The following ARHGAP15 variants were observed in gnomAD, a reference collection of about 807,000 sequenced individuals.
ARHGAP15 encodes the protein rho GTPase-activating protein 15.
Under a neutral mutation model 63.7 loss-of-function variants are expected in ARHGAP15, and 51 were observed. The observed-to-expected ratio is 0.80, with a 90% CI of 0.64 to 1.01. ARHGAP15 has a LOEUF of 1.01. Ranked by LOEUF, ARHGAP15 falls within the 50% of genes least tolerant of loss-of-function variation. The probability of loss-of-function intolerance (pLI) is 0.00; values close to 1 mark genes in which losing one functional copy is unlikely to be tolerated. For missense variants in ARHGAP15, 560 were observed against 564.6 expected (o/e 0.99, Z 0.08); for synonymous variants, 191 against 193.8 (o/e 0.99, Z 0.12).
intron 9 of ARHGAP15, among the ~76,000 whole-genome samples, chr2:143,500,894 T>G (rs1693025649): frequency 6.6e-6 from 1 of 152,212 alleles, no homozygotes; most frequent in South Asian, 2.1e-4. Flanking sequence ...TGTAATGATT[T>G]TTTAAAATCT....
chr2:143,368,066 A>G lies in ARHGAP15; in HGVS notation c.475-67535A>G, dbSNP rs564199694. 1.6e-4 allele frequency among the ~76,000 whole-genome samples: 25 copies of G among 152,224 alleles called. 1 individual carries two copies. The South Asian group carries it at 4.3e-3, about 26-fold the overall frequency. ...AAGAAAGTGGTGCATATATGCTAAC[A>G]TCATTAATCTTCATACTTTTCTATG... On this transcript the variant is annotated intron_variant, in intron 6 of 13. Transcript: ENST00000295095.
intron 8 of ARHGAP15, among the ~76,000 whole-genome samples, chr2:143,483,849 A>G (rs975610582): frequency 6.6e-5 from 10 of 152,228 alleles, no homozygotes; most frequent in African/African-American, 2.4e-4. Context: ...TATTTCTCCA[A>G]AATGACCTGA....
chr2:143,255,128 C>T (rs1287449389), intron 6 of ARHGAP15, among the ~76,000 whole-genome samples: 1 of 152,020 alleles, frequency 6.6e-6, no homozygotes, highest in Non-Finnish European at 1.5e-5. Flanking sequence ...ACATTGGGCT[C>T]TTCTATAGAT....
intron 11 of ARHGAP15, among the ~76,000 whole-genome samples, chr2:143,596,771 T>C (rs1697533444): frequency 6.6e-6 from 1 of 152,132 alleles, no homozygotes; most frequent in Admixed American, 6.6e-5. Context: ...TAATGATTCA[T>C]ACATACTTGA....
At chr2:143,556,042 G>A (rs780468031) in intron 10 of ARHGAP15, among the ~76,000 whole-genome samples, 7 of 152,044 alleles carry the variant, frequency 4.6e-5, no homozygotes, top group Non-Finnish European at 8.8e-5. Flanking sequence ...TCTTACAAAT[G>A]TCTCGAGTTA....
chr2:143,134,149 AT>A (rs1573989897), intron 1 of ARHGAP15, among the ~76,000 whole-genome samples: 10 of 27,734 alleles, frequency 3.6e-4, no homozygotes, highest in South Asian at 1.3e-3. Context: ...CTATCTATCT[AT>A]CTACCTATCT....
At chr2:143,235,212 G>A (rs1254699593) in intron 5 of ARHGAP15, among the ~76,000 whole-genome samples, 1 of 151,134 alleles carries the variant, frequency 6.6e-6, no homozygotes, top group Non-Finnish European at 1.5e-5. Context: ...AAAAAATAGG[G>A]TGAGATGAAA....
At chr2:143,147,524 G>A (rs1013942213) in intron 1 of ARHGAP15, among the ~76,000 whole-genome samples, 9 of 151,930 alleles carry the variant, frequency 5.9e-5, no homozygotes, top group Admixed American at 2.6e-4. Context: ...TTACAATGGC[G>A]CAGGCATTTT....
chr2:143,392,890 A>T (rs1398509709), intron 6 of ARHGAP15, among the ~76,000 whole-genome samples: 2 of 152,146 alleles, frequency 1.3e-5, no homozygotes, highest in East Asian at 3.8e-4. Flanking sequence ...AACTCATTGT[A>T]GATGTGCATC....
chr2:143,489,989 C>CTTTTTGTTTTTG (rs539572113), intron 9 of ARHGAP15, among the ~76,000 whole-genome samples: 1 of 151,670 alleles, frequency 6.6e-6, no homozygotes, highest in Non-Finnish European at 1.5e-5. Context: ...TTTTCTTTTT[C>CTTTTTGTTTTTG]TTTTTGTTTT....
intron 12 of ARHGAP15, among the ~76,000 whole-genome samples, chr2:143,677,914 A>AT (rs1335993375): frequency 3.3e-5 from 5 of 152,230 alleles, no homozygotes; most frequent in African/African-American, 1.2e-4. Flanking sequence ...TTTCTTATGA[A>AT]AATCCAAAAG....
chr2:143,138,148 T>C (rs1689219390), intron 1 of ARHGAP15, among the ~76,000 whole-genome samples: 1 of 152,116 alleles, frequency 6.6e-6, no homozygotes, highest in Non-Finnish European at 1.5e-5. Context: ...TTAATAATTA[T>C]CATCATAGCT....
intron 11 of ARHGAP15, among the ~76,000 whole-genome samples, chr2:143,574,745 T>C (rs1696607244): frequency 6.6e-6 from 1 of 152,140 alleles, no homozygotes; most frequent in Non-Finnish European, 1.5e-5. Context: ...GGTAGAAATA[T>C]CTTTAGGTTT....
intron 10 of ARHGAP15, among the ~76,000 whole-genome samples, chr2:143,549,127 T>C (rs1695454652): frequency 1.3e-5 from 2 of 152,130 alleles, no homozygotes; most frequent in African/African-American, 4.8e-5. Context: ...ATTTCCCATG[T>C]ACCAATAATG....
At chr2:143,563,452 C>G (rs1696105726) in intron 11 of ARHGAP15, among the ~76,000 whole-genome samples, 1 of 152,180 alleles carries the variant, frequency 6.6e-6, no homozygotes, top group African/African-American at 2.4e-5. Flanking sequence ...AATTCATAGG[C>G]CTTCTGAATT....
intron 12 of ARHGAP15, among the ~76,000 whole-genome samples, chr2:143,669,918 G>T (rs758242582): frequency 7.9e-5 from 12 of 152,170 alleles, no homozygotes; most frequent in African/African-American, 1.7e-4. Flanking sequence ...TGGAAGTCCA[G>T]TGTATCATGC....
intron 10 of ARHGAP15, among the ~76,000 whole-genome samples, chr2:143,528,118 A>G (rs1452479239): frequency 6.6e-6 from 1 of 152,094 alleles, no homozygotes; most frequent in Non-Finnish European, 1.5e-5. Flanking sequence ...TAAAATATCC[A>G]TTCTCTACTC....
At chr2:143,761,169 T>C (rs1200820321) in intron 13 of ARHGAP15, among the ~76,000 whole-genome samples, 1 of 152,218 alleles carries the variant, frequency 6.6e-6, no homozygotes, top group Non-Finnish European at 1.5e-5. Context: ...GAAATAGTTA[T>C]AGCACATAGG....
intron 12 of ARHGAP15, among the ~76,000 whole-genome samples, chr2:143,663,878 T>C (rs924280193): frequency 2.0e-5 from 3 of 152,192 alleles, no homozygotes; most frequent in African/African-American, 7.2e-5. Context: ...TAAATATATA[T>C]GCACCCAATA....
Sources: allele counts gnomAD v4.1 joint callset (sites outside exome capture counted in the v4.1 genomes callset), GRCh38; gene constraint gnomAD v4.1.1; transcripts MANE v1.5; gene names NCBI Gene and HGNC (gene_info 2026-07-23, HGNC 2026-07-21).